The following COL5A1 variants were observed in gnomAD, a reference collection of about 807,000 sequenced individuals.
COL5A1 encodes collagen alpha-1(V) chain.
In COL5A1, 16 loss-of-function variants were observed where a neutral mutation model predicts 263.7. The ratio of observed to expected loss-of-function variants is 0.06; its 90% CI spans 0.04 to 0.09. The LOEUF (loss-of-function observed/expected upper bound fraction) is 0.09. Ranked by LOEUF, COL5A1 falls within the 10% of genes least tolerant of loss-of-function variation. The pLI is 1.00. For missense variants in COL5A1, 2,036 were observed against 2,540.5 expected (o/e 0.80, Z 4.27); for synonymous variants, 1,012 against 1,004.5 (o/e 1.01, Z -0.14).
intron 19 of COL5A1, among the ~76,000 whole-genome samples, chr9:134,762,911 G>A (rs1836514681): frequency 6.6e-6 from 1 of 152,152 alleles, no homozygotes; most frequent in Non-Finnish European, 1.5e-5. Context: ...GTGTGGCTGT[G>A]TGCATGTGTA....
chr9:134,808,650 CTG>C (rs1428253025), intron 42 of COL5A1, among the ~76,000 whole-genome samples: 2 of 152,286 alleles, frequency 1.3e-5, no homozygotes, highest in Admixed American at 1.3e-4. Context: ...GCATGCATAC[CTG>C]TGTACATAGG....
intron 26 of COL5A1, among the ~76,000 whole-genome samples, chr9:134,773,831 G>A (rs1474529097): frequency 2.6e-5 from 4 of 152,302 alleles, no homozygotes; most frequent in South Asian, 2.1e-4. Context: ...TCTGAGATTC[G>A]CCACTTCTGC....
chr9:134,685,063 T>A (rs1832974288), intron 1 of COL5A1, among the ~76,000 whole-genome samples: 1 of 78,660 alleles, frequency 1.3e-5, no homozygotes, highest in Admixed American at 1.3e-4. Flanking sequence ...CCACCATCCA[T>A]CCATCCATCC....
rs769399751 is a variant in COL5A1, at chr9:134,765,702, C to A, written c.2056C>A (p.Pro686Thr). The change falls in exon 21 of 66, where the codon CCG (proline) becomes ACG (threonine). Residue 686 changes from proline to threonine, a missense_variant. Transcript: ENST00000371817. The surrounding 1 kb of genome is among the most constrained non-coding windows in gnomAD (Gnocchi z 5.1). ...ACAGGGGCCACGTGGTCTGCTTGGG[C>A]CGAAGGGGCCCCCAGGTCCTCCCGG... Reference protein sequence around the residue: ...GEPGPRGLLGPKGPPGPPGPP... With the variant: ...GEPGPRGLLGTKGPPGPPGPP... The A allele has an allele frequency of 6.2e-7, 1 of 1,613,640 alleles. No individual in the cohort carries two copies. The highest frequency in any genetic ancestry group is 1.7e-5 in the Admixed American group (1 of 59,982).
At chr9:134,732,318 A>T in intron 9 of COL5A1, 191 bp downstream of exon 9, 2 of 679,794 alleles carry the variant, frequency 2.9e-6, no homozygotes, top group Non-Finnish European at 5.3e-6. Context: ...CCCCTTGGGT[A>T]GGGGATGTTC....
chr9:134,701,084 T>G, intron 3 of COL5A1, 87 bp from the exon 4 acceptor site: 3 of 1,414,422 alleles, frequency 2.1e-6, no homozygotes, highest in Non-Finnish European at 3.0e-6. Context: ...GTGGGCCTTC[T>G]TCCTGTGTCT....
chr9:134,701,150 T>A, intron 3 of COL5A1, 21 bp from the exon 4 acceptor site: 1 of 1,613,536 alleles, frequency 6.2e-7, no homozygotes, highest in East Asian at 2.2e-5. Context: ...AGCCCTGTCT[T>A]CACCATCTGT....
intron 4 of COL5A1, among the ~76,000 whole-genome samples, chr9:134,712,403 C>G (rs1834093408): frequency 8.5e-6 from 1 of 118,162 alleles, no homozygotes; most frequent in African/African-American, 3.4e-5. Flanking sequence ...TATCCCTGTC[C>G]CTGTTCCTTC....
chr9:134,669,319 TCTC>T (rs1832468096), intron 1 of COL5A1, among the ~76,000 whole-genome samples: 1 of 99,862 alleles, frequency 1.0e-5, no homozygotes, highest in Non-Finnish European at 2.0e-5. Context: ...CCCCTTCCCT[TCTC>T]CTTCCTTCCT....
chr9:134,773,754 A>C (rs1295990789), intron 26 of COL5A1, among the ~76,000 whole-genome samples: 3 of 151,526 alleles, frequency 2.0e-5, no homozygotes, highest in Non-Finnish European at 4.4e-5. Flanking sequence ...AGGGAGTTCA[A>C]TTTCCAGTGC....
chr9:134,748,761 G>A (rs911397953), intron 11 of COL5A1, among the ~76,000 whole-genome samples: 5 of 152,170 alleles, frequency 3.3e-5, no homozygotes, highest in Admixed American at 6.6e-5. Context: ...ATGTTAGCAC[G>A]TCTGTCGGGC....
At chr9:134,654,613 G>C (rs1295404599) in intron 1 of COL5A1, among the ~76,000 whole-genome samples, 2 of 133,034 alleles carry the variant, frequency 1.5e-5, no homozygotes, top group African/African-American at 2.9e-5. Flanking sequence ...AGGGCTGAGG[G>C]TGTGTAGGGC....
At chr9:134,703,627 GTTTTTTTTTTTTTTT>G (rs55882557) in intron 4 of COL5A1, among the ~76,000 whole-genome samples, 2 of 73,230 alleles carry the variant, frequency 2.7e-5, no homozygotes, top group Non-Finnish European at 2.5e-5. Context: ...GTGGCCTCGG[GTTTTTTTTTTTTTTT>G]TTTTTTTTTT....
rs111616039 is a variant in COL5A1, at chr9:134,652,994, A to G, written c.109+10698A>G. Among the ~76,000 whole-genome samples, 203 of 152,150 alleles carry G rather than the reference A, an allele frequency of 1.3e-3. 1 individual carries two copies. The highest frequency in any genetic ancestry group is 3.9e-3 in the South Asian group (19 of 4,820). On this transcript the variant is annotated intron_variant, in intron 1 of 65. Transcript: ENST00000371817. The surrounding 1 kb of genome is among the most constrained non-coding windows in gnomAD (Gnocchi z 4.4). ...CGAGTCGTTCTGCGTCCTCGAGCCC[A>G]GGGTCTTGGATTTCAGCATTAATGG... is the stretch of plus-strand genomic sequence containing the variant.
intron 28 of COL5A1, among the ~76,000 whole-genome samples, chr9:134,781,520 A>T (rs964178793): frequency 1.3e-5 from 2 of 152,216 alleles, no homozygotes; most frequent in Non-Finnish European, 2.9e-5. Flanking sequence ...AGGTGGCTTC[A>T]CAGAGTCCAG....
rs776943414 is a variant in COL5A1, at chr9:134,652,668, G to A, written c.109+10372G>A. On this transcript the variant is annotated intron_variant, in intron 1 of 65. Transcript: ENST00000371817. This position sits in a 1 kb window ranked among gnomAD's most constrained non-coding sequence, Gnocchi z 4.4. The stretch of plus-strand genomic sequence containing the variant: ...ACCCAGCCCGGAGGCTGCAGGAATC[G>A]TGGGATAGAGGAAGCAAAGGTGAGA... 9 of 470,768 alleles carry A rather than the reference G, an allele frequency of 1.9e-5. No individual in the cohort carries two copies. Among genetic ancestry groups the A allele is most frequent in the Admixed American group, 2.3e-5 (1 of 42,564 alleles). 29.2% of individuals were successfully genotyped at this position (470,768 alleles called of 1,614,324 possible).
chr9:134,796,696 G>T, intron 35 of COL5A1, 152 bp from the exon 36 acceptor site: 2 of 813,526 alleles, frequency 2.5e-6, no homozygotes, highest in Non-Finnish European at 4.2e-6. Flanking sequence ...GGTGAGGCAG[G>T]GTGAGGGAGG....
At chr9:134,710,722 G>GA (rs1834006917) in intron 4 of COL5A1, among the ~76,000 whole-genome samples, 1 of 134,948 alleles carries the variant, frequency 7.4e-6, no homozygotes, top group East Asian at 2.4e-4. Context: ...TGGGGGAGGA[G>GA]CCCTATTTGT....
At position 134,659,767 on chromosome 9, in the gene COL5A1, CGA is replaced by C. The variant is rs1242050237; in HGVS notation, c.109+17473_109+17474del. On this transcript the variant is annotated intron_variant, in intron 1 of 65. Coordinates refer to ENST00000371817, the MANE Select transcript of COL5A1 (RefSeq NM_000093.5). The stretch of plus-strand genomic sequence containing the variant: ...AGAGCCGTGGGCTCCACAGGCGCCC[CGA>C]GTACCGTCCTCGATGAGATCTGCGG... Among the ~76,000 whole-genome samples the C allele has an allele frequency of 2.0e-5, 3 of 152,320 alleles. No homozygotes were observed. In the East Asian group the frequency reaches 5.8e-4, roughly 29 times the overall value.
Sources: allele counts gnomAD v4.1 joint callset (sites outside exome capture counted in the v4.1 genomes callset), GRCh38; gene constraint gnomAD v4.1.1; non-coding constraint Gnocchi (gnomAD v3.1); transcripts MANE v1.5; gene names NCBI Gene and HGNC (gene_info 2026-07-23, HGNC 2026-07-21).